Variants in MAP3K7CL observed in about 807,000 individuals in gnomAD.
MAP3K7CL encodes the protein MAP3K7 C-terminal like, also known as MAP3K7 C-terminal-like protein.
In MAP3K7CL, 16 loss-of-function variants were observed where a neutral mutation model predicts 18.6. The observed-to-expected ratio is 0.86, with a 90% CI of 0.58 to 1.31. The LOEUF is 1.31. Among genes scored for constraint, MAP3K7CL ranks in the 50% most tolerant of loss-of-function variants. The pLI is 0.00. For synonymous variants in MAP3K7CL, 65 were observed against 66.8 expected, an observed-to-expected ratio of 0.97 and a Z score of 0.13; for missense variants, 163 against 174.4, an observed-to-expected ratio of 0.93 and a Z score of 0.37.
At chr21:29,082,021 G>A (rs1187346412), upstream of MAP3K7CL, among the ~76,000 whole-genome samples, 1 of 152,186 alleles carries the variant, frequency 6.6e-6, no homozygotes, top group African/African-American at 2.4e-5. Context: ...GGTTTGATAA[G>A]TTAAATGGTT....
At chr21:29,107,391 A>T (rs1025302901) in intron 4 of MAP3K7CL, among the ~76,000 whole-genome samples, 2 of 152,202 alleles carry the variant, frequency 1.3e-5, no homozygotes, top group African/African-American at 4.8e-5. Context: ...AACTCTCAGG[A>T]ACAGAAAGCA....
intron 4 of MAP3K7CL, among the ~76,000 whole-genome samples, chr21:29,093,522 C>T (rs1055602262): frequency 3.9e-5 from 6 of 152,140 alleles, no homozygotes; most frequent in African/African-American, 1.4e-4. Context: ...CGCTCTGTCA[C>T]CCAGGCTGGA....
intron 1 of MAP3K7CL, among the ~76,000 whole-genome samples, chr21:29,087,513 G>T (rs1179071007): frequency 6.6e-6 from 1 of 151,626 alleles, no homozygotes; most frequent in Non-Finnish European, 1.5e-5. Flanking sequence ...GAGAGGTTAA[G>T]CTATGTCTTA....
intron 4 of MAP3K7CL, among the ~76,000 whole-genome samples, chr21:29,173,224 G>A (rs2087885554): frequency 6.6e-6 from 1 of 152,060 alleles, no homozygotes; most frequent in South Asian, 2.1e-4. Flanking sequence ...TGGTCATTTG[G>A]GTACAACTTC....
At chr21:29,080,910 T>A (rs1427627173), upstream of MAP3K7CL, among the ~76,000 whole-genome samples, 1 of 152,064 alleles carries the variant, frequency 6.6e-6, no homozygotes, top group Non-Finnish European at 1.5e-5. Flanking sequence ...TGGCCAGGCT[T>A]GTGAGCTCAC....
At chr21:29,088,478 T>C (rs2085964597) in intron 1 of MAP3K7CL, among the ~76,000 whole-genome samples, 2 of 152,236 alleles carry the variant, frequency 1.3e-5, no homozygotes, top group African/African-American at 2.4e-5. Flanking sequence ...TCATAAGCTC[T>C]CCTTAAGTTA....
At chr21:29,156,731 A>T (rs2087413752) in intron 3 of MAP3K7CL, among the ~76,000 whole-genome samples, 1 of 152,240 alleles carries the variant, frequency 6.6e-6, no homozygotes, top group Non-Finnish European at 1.5e-5. Context: ...TTTTTGTATT[A>T]GGTATAAAAC....
In MAP3K7CL at chr21:29,102,984, T is replaced by C. The variant is rs149495313; in HGVS notation, c.370+10403T>C. 7.3e-3 allele frequency among the ~76,000 whole-genome samples: 1,105 copies of C among 152,274 alleles called. 12 individuals carry two copies. The highest frequency in any genetic ancestry group is 0.025 in the African/African-American group (1,044 of 41,554). ...CTGCCCCCACCAGCTAACAGATCGA[T>C]TGCAACTGCGGGACAGACTCTCAGC... On this transcript the variant is annotated intron_variant, in intron 4 of 6. Coordinates refer to the MAP3K7CL transcript ENST00000286791.
chr21:29,110,158 T>C (rs1441723063), intron 4 of MAP3K7CL, among the ~76,000 whole-genome samples: 1 of 152,214 alleles, frequency 6.6e-6, no homozygotes, highest in South Asian at 2.1e-4. Context: ...ACCAGCCATT[T>C]TTCTTTAAAC....
chr21:29,137,253 T>A (rs2086906112), intron 2 of MAP3K7CL, among the ~76,000 whole-genome samples: 1 of 152,262 alleles, frequency 6.6e-6, no homozygotes. Flanking sequence ...AGGGACTAGT[T>A]ATGCAGTTAA....
At chr21:29,159,860 A>T in intron 3 of MAP3K7CL, 81 bp from the exon 4 acceptor site, 1 of 1,083,802 alleles carries the variant, frequency 9.2e-7, no homozygotes. Context: ...ACCTTCGTTT[A>T]AAGAACATCA....
intron 4 of MAP3K7CL, chr21:29,092,653 A>C: frequency 3.2e-6 from 5 of 1,577,342 alleles, no homozygotes; most frequent in Non-Finnish European, 4.3e-6. Flanking sequence ...ATGGGAGCCT[A>C]AGGCTGGTTG....
chr21:29,172,983 A>G lies in MAP3K7CL; in HGVS notation c.249-1729A>G, dbSNP rs560302626. ...AGATCAGTATCTGATCAGTGGAAGA[A>G]GGAAGAGGAGAGGCTTTTAGAAATG... is the stretch of plus-strand genomic sequence containing the variant. On this transcript the variant is annotated intron_variant, in intron 4 of 4. Coordinates refer to ENST00000399928, the MANE Select transcript of MAP3K7CL (RefSeq NM_001286620.2). 4.6e-5 allele frequency among the ~76,000 whole-genome samples: 7 copies of G among 152,296 alleles called. No homozygotes were observed. The South Asian group carries it at 1.5e-3, about 32-fold the overall frequency.
At chr21:29,109,161 C>G in intron 4 of MAP3K7CL, 1 of 1,535,428 alleles carries the variant, frequency 6.5e-7, no homozygotes, top group South Asian at 1.2e-5. Flanking sequence ...CCCTAACGCC[C>G]TTTCCACCAG....
intron 1 of MAP3K7CL, among the ~76,000 whole-genome samples, chr21:29,078,393 A>T (rs2085783351): frequency 6.6e-6 from 1 of 152,206 alleles, no homozygotes; most frequent in African/African-American, 2.4e-5. Context: ...ACAATAATTT[A>T]TACCCTTATT....
At chr21:29,090,388 GT>G (rs1029813984) in intron 1 of MAP3K7CL, among the ~76,000 whole-genome samples, 13 of 148,826 alleles carry the variant, frequency 8.7e-5, no homozygotes, top group African/African-American at 2.0e-4. Context: ...TTGTTTTGTT[GT>G]TTTTTTTTTG....
upstream of MAP3K7CL, among the ~76,000 whole-genome samples, chr21:29,129,962 G>A (rs930060166): frequency 6.6e-6 from 1 of 152,148 alleles, no homozygotes; most frequent in Non-Finnish European, 1.5e-5. Context: ...TCTGTAGTGA[G>A]ATATCTTTCA....
intron 4 of MAP3K7CL, among the ~76,000 whole-genome samples, chr21:29,103,427 CA>C (rs796707690): frequency 4.1e-5 from 6 of 147,064 alleles, no homozygotes; most frequent in African/African-American, 7.5e-5. Flanking sequence ...CCCATCTCTA[CA>C]AAAAAAAAAT....
intron 2 of MAP3K7CL, among the ~76,000 whole-genome samples, chr21:29,143,569 T>C (rs2087056287): frequency 1.3e-5 from 2 of 152,024 alleles, no homozygotes; most frequent in African/African-American, 4.8e-5. Context: ...ATTACAGGCA[T>C]GTGCCACCAC....
Sources: gnomAD v4.1 joint callset for allele counts (sites outside exome capture counted in the v4.1 genomes callset) on GRCh38, gnomAD v4.1.1 for gene constraint, MANE v1.5 for transcripts, NCBI Gene and HGNC (gene_info 2026-07-23, HGNC 2026-07-21) for gene names.